RAD51B: variants seen among roughly 807,000 people sequenced by gnomAD.
The protein encoded by RAD51B is RAD51 paralog B.
Under a neutral mutation model 42.2 loss-of-function variants are expected in RAD51B, and 38 were observed. The ratio of observed to expected loss-of-function variants is 0.90; its 90% CI spans 0.70 to 1.18. The LOEUF is 1.18. RAD51B is among the 50% of genes most tolerant of loss of function. The probability of loss-of-function intolerance (pLI) is 0.00; values close to 1 mark genes in which losing one functional copy is unlikely to be tolerated. For synonymous variants in RAD51B, 154 were observed against 145.2 expected (o/e 1.06, Z -0.43); for missense variants, 373 against 400.7 (o/e 0.93, Z 0.59).
In RAD51B at chr14:68,370,492, T is replaced by C. The variant is rs80259770; in HGVS notation, c.854-40932T>C. Among the ~76,000 whole-genome samples, 492 of 152,256 alleles carry C rather than the reference T, an allele frequency of 3.2e-3. 1 individual carries two copies. The highest frequency in any genetic ancestry group is 0.011 in the African/African-American group (471 of 41,554). On this transcript the variant is annotated intron_variant, in intron 8 of 10. Coordinates refer to ENST00000471583, the MANE Select transcript of RAD51B (RefSeq NM_133510.4). ...TTTTATCCTAAGCATAATGCAAAGTTTTCAGCCAGGGATGGACATGACTTG... is the reference window on the plus strand; with the variant it reads ...TTTTATCCTAAGCATAATGCAAAGTCTTCAGCCAGGGATGGACATGACTTG...
At chr14:68,479,326 C>T (rs1882974453), downstream of RAD51B, among the ~76,000 whole-genome samples, 2 of 152,162 alleles carry the variant, frequency 1.3e-5, no homozygotes, top group Non-Finnish European at 2.9e-5. Context: ...GGATACAGTA[C>T]TCCAAAATCC....
At chr14:67,893,566 G>A (rs968786161) in intron 7 of RAD51B, among the ~76,000 whole-genome samples, 4 of 151,804 alleles carry the variant, frequency 2.6e-5, no homozygotes, top group Non-Finnish European at 5.9e-5. Context: ...AGCTACTTGG[G>A]AGGCTGGGGC....
At chr14:68,204,988 A>G (rs557873520) in intron 7 of RAD51B, among the ~76,000 whole-genome samples, 1 of 152,302 alleles carries the variant, frequency 6.6e-6, no homozygotes, top group Admixed American at 6.5e-5. Flanking sequence ...ATTTTGGGAA[A>G]TATATTTACA....
chr14:67,882,952 C>T (rs1036952028), intron 5 of RAD51B, among the ~76,000 whole-genome samples: 4 of 152,208 alleles, frequency 2.6e-5, no homozygotes, highest in Non-Finnish European at 5.9e-5. Flanking sequence ...GCCATGTTGG[C>T]CAGGCTGGTC....
chr14:68,113,008 A>G (rs1173165002), intron 7 of RAD51B, among the ~76,000 whole-genome samples: 1 of 152,180 alleles, frequency 6.6e-6, no homozygotes, highest in Non-Finnish European at 1.5e-5. Context: ...TTGACCTACC[A>G]TATCTAATTT....
chr14:68,368,874 A>G (rs2083195820), intron 8 of RAD51B, among the ~76,000 whole-genome samples: 1 of 152,232 alleles, frequency 6.6e-6, no homozygotes, highest in African/African-American at 2.4e-5. Flanking sequence ...ATAAGGCTAA[A>G]TGAAGTAGAC....
At chr14:67,957,781 C>T (rs2074581063) in intron 7 of RAD51B, among the ~76,000 whole-genome samples, 1 of 152,144 alleles carries the variant, frequency 6.6e-6, no homozygotes, top group Non-Finnish European at 1.5e-5. Flanking sequence ...CAGCAGAAAT[C>T]ATAGTAGAAT....
At chr14:67,856,494 G>A (rs1392742145) in intron 4 of RAD51B, among the ~76,000 whole-genome samples, 1 of 152,118 alleles carries the variant, frequency 6.6e-6, no homozygotes, top group Non-Finnish European at 1.5e-5. Flanking sequence ...GTAGTTAGAT[G>A]CTGGAGGTCA....
rs76655809 is a variant in RAD51B, at chr14:68,259,507, G to A, written c.757-32377G>A. On this transcript the variant is annotated intron_variant, in intron 7 of 10. Coordinates refer to ENST00000471583, the MANE Select transcript of RAD51B (RefSeq NM_133510.4). Reference sequence around the variant, plus strand: ...AAAATAAAAGCTCAGAGCACAAATAGAGTACTCAGAAGTTTTTGCTAGGTT... The same window carrying A: ...AAAATAAAAGCTCAGAGCACAAATAAAGTACTCAGAAGTTTTTGCTAGGTT... 4.9e-3 allele frequency among the ~76,000 whole-genome samples: 743 copies of A among 152,114 alleles called. 7 individuals carry two copies. Among genetic ancestry groups the A allele is most frequent in the African/African-American group, 0.017 (704 of 41,496 alleles).
chr14:68,125,752 TTG>T (rs1196294983), intron 7 of RAD51B, among the ~76,000 whole-genome samples: 1 of 146,166 alleles, frequency 6.8e-6, no homozygotes, highest in Non-Finnish European at 1.5e-5. Flanking sequence ...TTGTTTTGTT[TTG>T]TTTTGTTTTT....
At chr14:68,129,391 GA>G (rs2077839735) in intron 7 of RAD51B, among the ~76,000 whole-genome samples, 1 of 152,108 alleles carries the variant, frequency 6.6e-6, no homozygotes. Context: ...TTTAACTAGA[GA>G]ATAATTTAGT....
At chr14:68,428,074 C>G (rs1199418702) in intron 9 of RAD51B, among the ~76,000 whole-genome samples, 1 of 152,108 alleles carries the variant, frequency 6.6e-6, no homozygotes, top group South Asian at 2.1e-4. Context: ...TGGGATGATG[C>G]AGCAAAAAGG....
intron 10 of RAD51B, among the ~76,000 whole-genome samples, chr14:68,574,771 A>T (rs960611240): frequency 6.6e-6 from 1 of 152,212 alleles, no homozygotes; most frequent in South Asian, 2.1e-4. Context: ...TTATTTTTTC[A>T]TGGCTGGCAG....
intron 7 of RAD51B, among the ~76,000 whole-genome samples, chr14:68,147,019 T>G (rs2078265843): frequency 6.6e-6 from 1 of 152,208 alleles, no homozygotes; most frequent in Admixed American, 6.5e-5. Flanking sequence ...ACCAGAGGAA[T>G]TTGGCAAGCA....
At chr14:67,927,683 G>A (rs574681920) in intron 7 of RAD51B, among the ~76,000 whole-genome samples, 1 of 149,410 alleles carries the variant, frequency 6.7e-6, no homozygotes, top group South Asian at 2.1e-4. Flanking sequence ...CTTTTTTATG[G>A]CTGAATAGTA....
At chr14:68,031,127 T>G (rs2076034237) in intron 7 of RAD51B, among the ~76,000 whole-genome samples, 2 of 152,164 alleles carry the variant, frequency 1.3e-5, no homozygotes, top group African/African-American at 4.8e-5. Context: ...AGAAAGAGGT[T>G]TATTGGACTT....
downstream of RAD51B, among the ~76,000 whole-genome samples, chr14:68,613,061 A>T (rs1027680527): frequency 2.6e-5 from 4 of 152,236 alleles, no homozygotes; most frequent in Non-Finnish European, 4.4e-5. Flanking sequence ...GCTATTTAAC[A>T]TCTGGGCCTG....
At chr14:68,295,081 TATG>T (rs2081588113) in intron 8 of RAD51B, among the ~76,000 whole-genome samples, 1 of 152,082 alleles carries the variant, frequency 6.6e-6, no homozygotes, top group Non-Finnish European at 1.5e-5. Flanking sequence ...ACACTGCAAA[TATG>T]AGGAGATATT....
intron 8 of RAD51B, among the ~76,000 whole-genome samples, chr14:68,402,185 G>C (rs992453398): frequency 1.3e-5 from 2 of 152,204 alleles, no homozygotes; most frequent in African/African-American, 4.8e-5. Flanking sequence ...GTCTCACAGA[G>C]CTTGTAGGTC....
Sources: gnomAD v4.1 joint callset for allele counts (sites outside exome capture counted in the v4.1 genomes callset) on GRCh38, gnomAD v4.1.1 for gene constraint, MANE v1.5 for transcripts, NCBI Gene and HGNC (gene_info 2026-07-23, HGNC 2026-07-21) for gene names.